STEAP1B: variants seen among roughly 807,000 people sequenced by gnomAD.
The protein encoded by STEAP1B is STEAP family protein MGC87042.
STEAP1B carries 13 observed loss-of-function variants against 27.9 expected under a neutral mutation model. The observed-to-expected ratio is 0.47, with a 90% CI of 0.30 to 0.74. The LOEUF (loss-of-function observed/expected upper bound fraction) is 0.74, where lower values mean the gene tolerates loss of function less well. Ranked by LOEUF, STEAP1B falls within the 30% of genes least tolerant of loss-of-function variation. STEAP1B has a pLI of 0.06. For missense variants in STEAP1B, 250 were observed against 298.7 expected (o/e 0.84, Z 1.20); for synonymous variants, 86 against 107.1 (o/e 0.80, Z 1.22).
At position 22,493,712 on chromosome 7, in the gene STEAP1B, T is replaced by G. The variant is rs1402965726; in HGVS notation, c.209A>C (p.Gln70Pro). 1 of 1,613,896 alleles carries G rather than the reference T, an allele frequency of 6.2e-7. No individual in the cohort carries two copies. The highest frequency in any genetic ancestry group is 8.5e-7 in the Non-Finnish European group (1 of 1,179,876). Residue 70 changes from glutamine to proline, a missense_variant, in exon 3 of 5, where the codon CAG becomes CCG. Transcript: ENST00000678116. ...AGCTATTTTAATTGGCAAGTGCCAC[T>G]GTGGAAAGAGTTCCTGTGCGTGCTG... Reference protein sequence around the residue: ...ELQHAQELFPQWHLPIKIAAV... With the variant: ...ELQHAQELFPPWHLPIKIAAV...
At chr7:22,423,709 A>G (rs1785072503) in intron 4 of STEAP1B, among the ~76,000 whole-genome samples, 1 of 152,202 alleles carries the variant, frequency 6.6e-6, no homozygotes, top group South Asian at 2.1e-4. Context: ...ACAACTGTGC[A>G]AGTTTGTTAA....
intron 4 of STEAP1B, among the ~76,000 whole-genome samples, chr7:22,482,153 C>T (rs1030837134): frequency 6.6e-6 from 1 of 152,136 alleles, no homozygotes; most frequent in African/African-American, 2.4e-5. Context: ...ACAAAGGGGA[C>T]TGAGTGGCTC....
chr7:22,451,192 CAA>C (rs34284408), intron 4 of STEAP1B, among the ~76,000 whole-genome samples: 36 of 146,322 alleles, frequency 2.5e-4, no homozygotes, highest in Admixed American at 2.7e-4. Flanking sequence ...GATTCTGTCT[CAA>C]AAAAAAAAAA....
intron 4 of STEAP1B, among the ~76,000 whole-genome samples, chr7:22,460,396 G>C (rs1258291854): frequency 6.6e-6 from 1 of 151,770 alleles, no homozygotes; most frequent in Non-Finnish European, 1.5e-5. Flanking sequence ...CTGAGGGAGA[G>C]CATTCAAGGA....
intron 4 of STEAP1B, among the ~76,000 whole-genome samples, chr7:22,420,293 A>G (rs1203122546): frequency 1.3e-5 from 2 of 152,202 alleles, no homozygotes; most frequent in African/African-American, 4.8e-5. Flanking sequence ...CTGGCCTACT[A>G]TCTTGTCCCT....
At chr7:22,492,336 AAAAAAAAAAAAGG>A in intron 4 of STEAP1B, 2 of 287,788 alleles carry the variant, frequency 6.9e-6, no homozygotes, top group East Asian at 1.2e-4. Context: ...AAAAAAAAAA[AAAAAAAAAAAAGG>A]ATATTTTAAT....
intron 4 of STEAP1B, among the ~76,000 whole-genome samples, chr7:22,485,977 A>G (rs776748167): frequency 3.2e-4 from 49 of 152,320 alleles, no homozygotes; most frequent in Non-Finnish European, 6.2e-4. Flanking sequence ...ATACACGTAC[A>G]CAGCTATTAG....
intron 4 of STEAP1B, among the ~76,000 whole-genome samples, chr7:22,487,943 T>C (rs997249424): frequency 2.6e-5 from 4 of 152,050 alleles, no homozygotes; most frequent in Non-Finnish European, 5.9e-5. Context: ...TCTGAATAAT[T>C]GAAATCAGGA....
In STEAP1B at chr7:22,433,171, A is replaced by C. The variant is rs1382525846; in HGVS notation, c.763-13335T>G. Among the ~76,000 whole-genome samples, 23 of 152,326 alleles carry C rather than the reference A, an allele frequency of 1.5e-4. No individual in the cohort carries two copies. In the East Asian group the frequency reaches 4.4e-3, roughly 29 times the overall value. On this transcript the variant is annotated intron_variant, in intron 4 of 4. Transcript: ENST00000678116. ...AACAAAACAAAACCCAAAATCAAAA[A>C]GCAAACTTCGCAAGCTCCCATTCAT...
intron 4 of STEAP1B, among the ~76,000 whole-genome samples, chr7:22,482,101 G>A (rs1211176060): frequency 6.6e-6 from 1 of 152,178 alleles, no homozygotes; most frequent in Non-Finnish European, 1.5e-5. Flanking sequence ...AGTCCTGCTT[G>A]CAAGGGTAGC....
rs1470997493 is a variant in STEAP1B, at chr7:22,458,809, G to A, written c.762+33756C>T. ...GTGGAGGGCATTGCATGTTGTTAAG[G>A]AGTTTCTACTGTTATCCTGGAGGGG... is the stretch of plus-strand genomic sequence containing the variant. On this transcript the variant is annotated intron_variant, in intron 4 of 4. Transcript: ENST00000678116. 3.3e-5 allele frequency among the ~76,000 whole-genome samples: 5 copies of A among 152,006 alleles called. No individual in the cohort carries two copies. In the South Asian group the frequency reaches 6.2e-4, roughly 19 times the overall value.
chr7:22,458,831 G>A (rs1195184393), intron 4 of STEAP1B, among the ~76,000 whole-genome samples: 2 of 152,114 alleles, frequency 1.3e-5, no homozygotes, highest in Non-Finnish European at 2.9e-5. Context: ...TTATCCTGGA[G>A]GGGATGGGTG....
chr7:22,478,965 T>C (rs1259732280), intron 4 of STEAP1B, among the ~76,000 whole-genome samples: 3 of 151,894 alleles, frequency 2.0e-5, no homozygotes, highest in Non-Finnish European at 4.4e-5. Flanking sequence ...CAGCCCGGGG[T>C]CCTTGCCCAG....
chr7:22,461,731 G>A (rs1029859475), intron 4 of STEAP1B, among the ~76,000 whole-genome samples: 2 of 152,212 alleles, frequency 1.3e-5, no homozygotes, highest in African/African-American at 4.8e-5. Flanking sequence ...AGGCTCTGCT[G>A]CGGTAGTTTG....
chr7:22,438,885 C>T, intron 4 of STEAP1B: 2 of 1,197,750 alleles, frequency 1.7e-6, no homozygotes, highest in Non-Finnish European at 2.2e-6. Flanking sequence ...AAAATCTCAA[C>T]TATTTTATTA....
intron 2 of STEAP1B, 56 bp downstream of exon 2, chr7:22,494,716 G>A (rs948543174): frequency 4.0e-5 from 49 of 1,233,680 alleles, no homozygotes; most frequent in Middle Eastern, 2.2e-4. Flanking sequence ...GAATGTCATC[G>A]AATTATGTTT....
intron 4 of STEAP1B, among the ~76,000 whole-genome samples, chr7:22,434,760 T>C (rs1249557716): frequency 6.6e-6 from 1 of 152,244 alleles, no homozygotes; most frequent in African/African-American, 2.4e-5. Context: ...AATGATTATA[T>C]AATAAGTTCT....
At chr7:22,482,283 G>A (rs1283016493) in intron 4 of STEAP1B, among the ~76,000 whole-genome samples, 1 of 152,140 alleles carries the variant, frequency 6.6e-6, no homozygotes, top group African/African-American at 2.4e-5. Flanking sequence ...AGGAGAAGGG[G>A]CACACATAGA....
At chr7:22,473,664 G>C (rs890991981) in intron 4 of STEAP1B, among the ~76,000 whole-genome samples, 25 of 152,210 alleles carry the variant, frequency 1.6e-4, no homozygotes, top group Non-Finnish European at 3.7e-4. Context: ...CGAACTGGTA[G>C]TTCTGGAAGA....
Sources: gnomAD v4.1 joint callset for allele counts (sites outside exome capture counted in the v4.1 genomes callset) on GRCh38, gnomAD v4.1.1 for gene constraint, MANE v1.5 for transcripts, NCBI Gene and HGNC (gene_info 2026-07-23, HGNC 2026-07-21) for gene names.